PHF14: variants seen among roughly 807,000 people sequenced by gnomAD.
PHF14 encodes PHD finger protein 14.
A neutral mutation model predicts 117.9 loss-of-function variants in PHF14; 55 were observed. That is an observed-to-expected ratio of 0.47 (90% CI 0.38 to 0.58). The LOEUF (loss-of-function observed/expected upper bound fraction) is 0.58. Ranked by LOEUF, PHF14 falls within the 20% of genes least tolerant of loss-of-function variation. The pLI, the probability that PHF14 is intolerant of heterozygous loss-of-function variation, is 0.00. For missense variants in PHF14, 978 were observed against 1,122.2 expected (o/e 0.87, Z 1.84); for synonymous variants, 409 against 368.6 (o/e 1.11, Z -1.26).
At chr7:11,107,729 T>C (rs899123305) in intron 16 of PHF14, 18 of 794,292 alleles carry the variant, frequency 2.3e-5, no homozygotes, top group Non-Finnish European at 3.0e-6. Flanking sequence ...TTTAATAAAG[T>C]ATATTGTGTT....
intron 4 of PHF14, among the ~76,000 whole-genome samples, chr7:10,997,180 C>A (rs551763227): frequency 1.3e-5 from 2 of 152,134 alleles, no homozygotes; most frequent in African/African-American, 2.4e-5. Flanking sequence ...TTATTGATCT[C>A]ATTTTGTTTC....
intron 14 of PHF14, among the ~76,000 whole-genome samples, chr7:11,056,770 T>C (rs1163655198): frequency 6.7e-6 from 1 of 148,876 alleles, no homozygotes; most frequent in Non-Finnish European, 1.5e-5. Context: ...TTGCTACATA[T>C]AATATATGCT....
chr7:10,985,376 C>T (rs1328361727), intron 3 of PHF14, among the ~76,000 whole-genome samples: 1 of 151,908 alleles, frequency 6.6e-6, no homozygotes, highest in African/African-American at 2.4e-5. Context: ...GAAAATGTAG[C>T]TTTAGAAATA....
At chr7:11,154,880 C>G (rs947638323) in intron 17 of PHF14, among the ~76,000 whole-genome samples, 1 of 151,860 alleles carries the variant, frequency 6.6e-6, no homozygotes, top group African/African-American at 2.4e-5. Context: ...TATTGTAATA[C>G]CAACAGTTGA....
chr7:11,169,398 C>G lies in PHF14; in HGVS notation c.2773-18C>G, dbSNP rs747188149. On this transcript the variant is annotated intron_variant, in intron 17 of 17. Transcript: ENST00000634607. The stretch of plus-strand genomic sequence containing the variant: ...TCTAAAGTTTATATTTTAATGTTTT[C>G]TAAAATTTATTTCACAGGAAGATGA... 8.1e-6 allele frequency: 10 copies of G among 1,237,368 alleles called. No homozygotes were observed. In the African/African-American group the frequency reaches 1.5e-4, roughly 19 times the overall value. The allele number at this position is 1,237,368 out of a possible 1,614,324, so 76.6% of individuals were successfully genotyped here.
At chr7:11,106,096 T>G in intron 16 of PHF14, 1 of 984,130 alleles carries the variant, frequency 1.0e-6, no homozygotes, top group South Asian at 4.7e-5. Flanking sequence ...TTGCTTGACC[T>G]TATTGTGTAT....
chr7:11,092,590 C>T (rs1180708303), intron 16 of PHF14, among the ~76,000 whole-genome samples: 1 of 152,164 alleles, frequency 6.6e-6, no homozygotes. Context: ...AGCAATAGTA[C>T]CTCAGAGTTT....
At chr7:10,977,122 A>G (rs1237063536) in intron 2 of PHF14, among the ~76,000 whole-genome samples, 2 of 151,940 alleles carry the variant, frequency 1.3e-5, no homozygotes, top group East Asian at 3.9e-4. Flanking sequence ...GAGATAGTAT[A>G]TATTTAGTTG....
chr7:11,022,980 G>A lies in PHF14; in HGVS notation c.1317+1G>A. ...GAACTATTCCAAATATGGTGCCAAG[G>A]TGAGACACAAAGCATTTTTGATTGC... On this transcript the variant is annotated splice_donor_variant, in intron 6 of 17. Transcript: ENST00000634607. LOFTEE classifies it high-confidence loss of function. 6.5e-7 allele frequency: 1 copy of A among 1,545,514 alleles called. No homozygotes were observed. Among genetic ancestry groups the A allele is most frequent in the Non-Finnish European group, 8.9e-7 (1 of 1,126,332 alleles).
At chr7:11,063,714 A>G (rs1195492458) in intron 16 of PHF14, 2 of 877,772 alleles carry the variant, frequency 2.3e-6, no homozygotes, top group Admixed American at 6.2e-5. Context: ...GAGAAATACA[A>G]TTTTTATTTT....
At chr7:10,993,100 C>G (rs979661900) in intron 4 of PHF14, among the ~76,000 whole-genome samples, 1 of 151,936 alleles carries the variant, frequency 6.6e-6, no homozygotes, top group African/African-American at 2.4e-5. Flanking sequence ...TACTTTTTTT[C>G]TCATTTTTAT....
intron 7 of PHF14, among the ~76,000 whole-genome samples, chr7:11,035,331 G>C (rs1443957293): frequency 6.6e-6 from 1 of 152,022 alleles, no homozygotes; most frequent in African/African-American, 2.4e-5. Flanking sequence ...CCTGGAACCA[G>C]TCCCCCATGG....
At chr7:11,030,870 A>G (rs1784098531) in intron 7 of PHF14, among the ~76,000 whole-genome samples, 1 of 152,200 alleles carries the variant, frequency 6.6e-6, no homozygotes, top group Non-Finnish European at 1.5e-5. Flanking sequence ...ATAAACAGAG[A>G]ATTAGAAAAT....
At chr7:11,067,983 A>G (rs1056639611) in intron 16 of PHF14, among the ~76,000 whole-genome samples, 1 of 152,190 alleles carries the variant, frequency 6.6e-6, no homozygotes, top group Non-Finnish European at 1.5e-5. Flanking sequence ...TCACATTTCA[A>G]CATTAGGTTT....
At chr7:11,132,058 TA>T (rs1292919933) in intron 17 of PHF14, among the ~76,000 whole-genome samples, 3 of 151,830 alleles carry the variant, frequency 2.0e-5, no homozygotes, top group Non-Finnish European at 4.4e-5. Flanking sequence ...CAAGTTAGCA[TA>T]TCCATCATGT....
At chr7:11,103,638 A>G in intron 16 of PHF14, 1 of 985,238 alleles carries the variant, frequency 1.0e-6, no homozygotes, top group Non-Finnish European at 1.2e-6. Context: ...TGATTAATAA[A>G]TGTGGTTTTG....
chr7:11,100,190 T>G (rs979056187), intron 16 of PHF14, among the ~76,000 whole-genome samples: 3 of 152,066 alleles, frequency 2.0e-5, no homozygotes, highest in African/African-American at 7.2e-5. Context: ...AAATAGACAT[T>G]TGAAATAGAC....
intron 4 of PHF14, among the ~76,000 whole-genome samples, chr7:10,992,686 A>C (rs1782504929): frequency 6.6e-6 from 1 of 152,110 alleles, no homozygotes; most frequent in African/African-American, 2.4e-5. Context: ...AAACAAAAAA[A>C]GGCATTCTCT....
intron 16 of PHF14, chr7:11,104,853 T>A: frequency 1.1e-6 from 1 of 928,210 alleles, no homozygotes; most frequent in Non-Finnish European, 1.3e-6. Context: ...AACACCACAT[T>A]AAGAACCATT....
Sources: gnomAD v4.1 joint callset for allele counts (sites outside exome capture counted in the v4.1 genomes callset) on GRCh38, gnomAD v4.1.1 for gene constraint, MANE v1.5 for transcripts, NCBI Gene and HGNC (gene_info 2026-07-23, HGNC 2026-07-21) for gene names.